The following NSD2 variants were observed in gnomAD, a reference collection of about 807,000 sequenced individuals.
NSD2 encodes nuclear receptor binding SET domain protein 2.
In NSD2, 12 loss-of-function variants were observed where a neutral mutation model predicts 139.0. The observed-to-expected ratio is 0.09, with a 90% CI of 0.06 to 0.14. The LOEUF (loss-of-function observed/expected upper bound fraction) is 0.14, where lower values mean the gene tolerates loss of function less well. Ranked by LOEUF, NSD2 falls within the 10% of genes least tolerant of loss-of-function variation. NSD2 has a pLI of 1.00. For synonymous variants in NSD2, 669 were observed against 648.7 expected (o/e 1.03, Z -0.48); for missense variants, 1,155 against 1,745.0 (o/e 0.66, Z 6.02).
Position 1,942,092 on chromosome 4 carries a change from C to T in NSD2, c.1881+2314C>T. Reference sequence around the variant, plus strand: ...AGGTACTTTTATAGGGTTGGTATTTCAGAACACTTTAGGTCATGTTGTAGT... The same window carrying T: ...AGGTACTTTTATAGGGTTGGTATTTTAGAACACTTTAGGTCATGTTGTAGT... On this transcript the variant is annotated intron_variant, in intron 9 of 21. Transcript: ENST00000508803. The surrounding 1 kb of genome is among the most constrained non-coding windows in gnomAD (Gnocchi z 4.0). 1 of 1,211,226 alleles carries T rather than the reference C, an allele frequency of 8.3e-7. No individual in the cohort carries two copies. Among genetic ancestry groups the T allele is most frequent in the East Asian group, 3.6e-5 (1 of 27,682 alleles). The allele number at this position is 1,211,226 out of a possible 1,614,324, so 75.0% of individuals were successfully genotyped here.
chr4:1,932,439 CAAA>C (rs776037394), intron 6 of NSD2, among the ~76,000 whole-genome samples: 2 of 65,378 alleles, frequency 3.1e-5, no homozygotes, highest in Non-Finnish European at 3.4e-5. Context: ...AGTCAATCTC[CAAA>C]AAAAAAAAAA....
rs1433666655 is a variant in NSD2 at position 1,972,133 on chromosome 4, C to A, written c.3373-2730C>A. 2.0e-5 allele frequency among the ~76,000 whole-genome samples: 3 copies of A among 152,308 alleles called. No individual in the cohort carries two copies. The highest frequency in any genetic ancestry group is 1.9e-4 in the East Asian group (1 of 5,188). On this transcript the variant is annotated intron_variant, in intron 18 of 21. Coordinates refer to ENST00000508803, the MANE Select transcript of NSD2 (RefSeq NM_001042424.3). The surrounding 1 kb of genome is among the most constrained non-coding windows in gnomAD (Gnocchi z 4.0). ...GATGGCCTTATGTGAACTGTAGTGACAACAGTGAGAGGCCAGGTCCACAGG... is the reference window on the plus strand; with the variant it reads ...GATGGCCTTATGTGAACTGTAGTGAAAACAGTGAGAGGCCAGGTCCACAGG...
At chr4:1,969,559 T>A (rs998025196) in intron 18 of NSD2, among the ~76,000 whole-genome samples, 5 of 143,480 alleles carry the variant, frequency 3.5e-5, no homozygotes, top group South Asian at 4.3e-4. Context: ...AAAAAAAAAA[T>A]AGCTGGGCAC....
rs567470552 is a variant in NSD2 at position 1,958,787 on chromosome 4, T to A, written c.2986-684T>A. On this transcript the variant is annotated intron_variant, in intron 16 of 21. Transcript: ENST00000508803. This position sits in a 1 kb window ranked among gnomAD's most constrained non-coding sequence, Gnocchi z 4.6. ...AATCACAGGGTCAGAGAGTATGAAATGTTTAGATTCTTGGGGAATATTCCC... is the reference window on the plus strand; with the variant it reads ...AATCACAGGGTCAGAGAGTATGAAAAGTTTAGATTCTTGGGGAATATTCCC... Among the ~76,000 whole-genome samples, 3 of 152,348 alleles carry A rather than the reference T, an allele frequency of 2.0e-5. No homozygotes were observed. Among genetic ancestry groups the A allele is most frequent in the African/African-American group, 7.2e-5 (3 of 41,568 alleles).
chr4:1,923,894 G>C (rs1481068153), intron 5 of NSD2, among the ~76,000 whole-genome samples: 5 of 152,192 alleles, frequency 3.3e-5, no homozygotes, highest in Admixed American at 2.0e-4. Flanking sequence ...TCTATCACTT[G>C]TGTAGTTTGA....
chr4:1,939,020 C>T (rs1282656864), intron 8 of NSD2, among the ~76,000 whole-genome samples: 1 of 152,096 alleles, frequency 6.6e-6, no homozygotes, highest in African/African-American at 2.4e-5. Context: ...ATTACACTTC[C>T]TTTTACCTTT....
At chr4:1,889,086 C>T (rs910223554) in intron 1 of NSD2, among the ~76,000 whole-genome samples, 1 of 150,092 alleles carries the variant, frequency 6.7e-6, no homozygotes, top group Non-Finnish European at 1.5e-5. Flanking sequence ...TTAGTAGAGA[C>T]GAGGTTTCGC....
At chr4:1,911,947 T>C (rs1314524328) in intron 3 of NSD2, 1 of 179,178 alleles carries the variant, frequency 5.6e-6, no homozygotes, top group African/African-American at 2.4e-5. Flanking sequence ...TTTAATTTTA[T>C]ATTGTGTGTG....
In NSD2 at chr4:1,959,488, G is replaced by T. The variant is rs1265523649; in HGVS notation, c.3003G>T (p.Gly1001=). 1 of 1,605,958 alleles carries T rather than the reference G, an allele frequency of 6.2e-7. No homozygotes were observed. The highest frequency in any genetic ancestry group is 2.2e-5 in the East Asian group (1 of 44,602). Residue 1001 remains glycine, a synonymous_variant, in exon 17 of 22, where the codon GGG becomes GGT. Coordinates refer to ENST00000508803, the MANE Select transcript of NSD2 (RefSeq NM_001042424.3). ...CCCTGCAGGTGAATAAGCCTTACGGGAAAGTCCAGATCTACACAGCGGATA... is the reference window on the plus strand; with the variant it reads ...CCCTGCAGGTGAATAAGCCTTACGGTAAAGTCCAGATCTACACAGCGGATA... The part of the protein sequence containing the change: ...YKHIKVNKPY[G]KVQIYTADIS...
chr4:1,944,989 C>G, intron 9 of NSD2: 3 of 1,064,744 alleles, frequency 2.8e-6, no homozygotes, highest in Non-Finnish European at 3.4e-6. Context: ...CATGACACAA[C>G]CTTTCATGTC....
intron 5 of NSD2, among the ~76,000 whole-genome samples, chr4:1,924,515 C>T (rs1201249599): frequency 6.6e-6 from 1 of 152,100 alleles, no homozygotes; most frequent in Non-Finnish European, 1.5e-5. Context: ...CCAAATTGAT[C>T]TCAGATGGTC....
intron 1 of NSD2, among the ~76,000 whole-genome samples, chr4:1,899,899 T>G (rs1716931080): frequency 6.6e-6 from 1 of 152,212 alleles, no homozygotes; most frequent in Non-Finnish European, 1.5e-5. Flanking sequence ...TACTGCTGTG[T>G]TCTTTCTTGT....
rs1275117423 is a variant in NSD2 at position 1,900,960 on chromosome 4, C to A, written c.306C>A (p.Ser102=). ...ACGATGCCAAACTGCGTTTTGAGTC[C>A]CAGGAAATGAAAGGGATTGGGACAC... The part of the protein sequence containing the change: ...GAHDAKLRFE[S]QEMKGIGTPP... Residue 102 remains serine, a synonymous_variant, in exon 2 of 22, where the codon TCC becomes TCA. Coordinates refer to ENST00000508803, the MANE Select transcript of NSD2 (RefSeq NM_001042424.3). The A allele has an allele frequency of 1.2e-6, 2 of 1,614,150 alleles. No individual in the cohort carries two copies. Among genetic ancestry groups the A allele is most frequent in the South Asian group, 2.2e-5 (2 of 91,074 alleles).
In NSD2 at chr4:1,901,263, A is replaced by G; in HGVS notation, c.597+12A>G. 6.5e-7 allele frequency: 1 copy of G among 1,547,056 alleles called. No homozygotes were observed. The highest frequency in any genetic ancestry group is 1.3e-5 in the South Asian group (1 of 77,948). ...CTTCAGATAAAAAGGTATTTAGGAG[A>G]CGTTGTGTAAGGGGTCATGTGACCT... On this transcript the variant is annotated intron_variant, in intron 2 of 21. Transcript: ENST00000508803.
chr4:1,942,516 T>C lies in NSD2; in HGVS notation c.1881+2738T>C. On this transcript the variant is annotated intron_variant, in intron 9 of 21. Coordinates refer to ENST00000508803, the MANE Select transcript of NSD2 (RefSeq NM_001042424.3). The surrounding 1 kb of genome is among the most constrained non-coding windows in gnomAD (Gnocchi z 4.0). ...GTGTGATAATCTGTTTTTACTGGTATTAATAAACACATACAATGAAGAAAA... is the reference window on the plus strand; with the variant it reads ...GTGTGATAATCTGTTTTTACTGGTACTAATAAACACATACAATGAAGAAAA... 1 of 1,464,520 alleles carries C rather than the reference T, an allele frequency of 6.8e-7. No homozygotes were observed. The highest frequency in any genetic ancestry group is 9.0e-7 in the Non-Finnish European group (1 of 1,105,670). 90.7% of individuals were successfully genotyped at this position (1,464,520 alleles called of 1,614,324 possible). A position where few individuals can be genotyped will look rare whatever the true frequency, so the allele number is the denominator to read the frequency against.
chr4:1,910,890 C>G (rs548954106), intron 3 of NSD2, among the ~76,000 whole-genome samples: 1 of 152,306 alleles, frequency 6.6e-6, no homozygotes, highest in African/African-American at 2.4e-5. Context: ...CATGCTTGTC[C>G]TTTGTTTCCC....
At position 1,939,013 on chromosome 4, in the gene NSD2, A is replaced by G. The variant is rs73796611; in HGVS notation, c.1756+481A>G. Among the ~76,000 whole-genome samples, 1,089 of 152,320 alleles carry G rather than the reference A, an allele frequency of 7.1e-3. 13 individuals carry two copies. The highest frequency in any genetic ancestry group is 0.025 in the African/African-American group (1,044 of 41,560). ...TGTCAAAAAAATAAGAGGGGAAATT[A>G]CACTTCCTTTTACCTTTTAGTTATC... On this transcript the variant is annotated intron_variant, in intron 8 of 21. Transcript: ENST00000508803.
chr4:1,900,494 T>G, intron 1 of NSD2, 132 bp from the exon 2 acceptor site: 1 of 535,368 alleles, frequency 1.9e-6, no homozygotes, highest in Non-Finnish European at 3.1e-6. Context: ...TGACCTGAAT[T>G]ATTATAAAAA....
intron 9 of NSD2, chr4:1,944,978 T>C: frequency 9.4e-7 from 1 of 1,064,536 alleles, no homozygotes; most frequent in East Asian, 5.1e-5. Flanking sequence ...AAGCGAGGTT[T>C]CATGACACAA....
Sources: allele counts gnomAD v4.1 joint callset (sites outside exome capture counted in the v4.1 genomes callset), GRCh38; gene constraint gnomAD v4.1.1; non-coding constraint Gnocchi (gnomAD v3.1); transcripts MANE v1.5; gene names NCBI Gene and HGNC (gene_info 2026-07-23, HGNC 2026-07-21).